Variants in CYSTM1 observed in about 807,000 individuals in gnomAD.
CYSTM1 encodes cysteine rich transmembrane module containing 1, also known as cysteine-rich transmembrane module-containing protein 1.
A neutral mutation model predicts 13.1 loss-of-function variants in CYSTM1; 4 were observed. That is an observed-to-expected ratio of 0.31 (90% CI 0.15 to 0.70). The LOEUF is 0.70. CYSTM1 is among the 30% of genes least tolerant of loss of function. CYSTM1 has a pLI of 0.72. For missense variants in CYSTM1, 96 were observed against 121.6 expected, an observed-to-expected ratio of 0.79 and a Z score of 0.99; for synonymous variants, 36 against 42.7, an observed-to-expected ratio of 0.84 and a Z score of 0.62.
At chr5:140,221,092 A>G (rs1017213310) in intron 2 of CYSTM1, among the ~76,000 whole-genome samples, 1 of 152,228 alleles carries the variant, frequency 6.6e-6, no homozygotes, top group Non-Finnish European at 1.5e-5. Flanking sequence ...GGATCACTTC[A>G]GTCTAGGAGT....
At chr5:140,184,652 G>A (rs550534933) in intron 1 of CYSTM1, among the ~76,000 whole-genome samples, 1 of 152,306 alleles carries the variant, frequency 6.6e-6, no homozygotes, top group East Asian at 1.9e-4. Context: ...GATATTTTCA[G>A]GTAGTAATGT....
At position 140,179,709 on chromosome 5, in the gene CYSTM1, G is replaced by A. The variant is rs549666901; in HGVS notation, c.-21+4424G>A. Among the ~76,000 whole-genome samples the A allele has an allele frequency of 1.5e-3, 214 of 146,342 alleles. No homozygotes were observed. The Middle Eastern group carries it at 0.015, about 10-fold the overall frequency. On this transcript the variant is annotated intron_variant, in intron 1 of 2. Transcript: ENST00000261811. ...AGAGTCTTGCTCTGTCTCCCAGGCCGGAGTGCAATGGCACGATCTCAGCTC... is the reference window on the plus strand; with the variant it reads ...AGAGTCTTGCTCTGTCTCCCAGGCCAGAGTGCAATGGCACGATCTCAGCTC...
chr5:140,207,224 G>A (rs1174969654), intron 2 of CYSTM1, among the ~76,000 whole-genome samples: 2 of 152,116 alleles, frequency 1.3e-5, no homozygotes, highest in East Asian at 1.9e-4. Context: ...CCACAGAACC[G>A]TCTTCTCTGG....
chr5:140,196,987 A>G (rs1764166591), intron 2 of CYSTM1, among the ~76,000 whole-genome samples: 1 of 152,204 alleles, frequency 6.6e-6, no homozygotes, highest in East Asian at 1.9e-4. Context: ...TGACTTGTGT[A>G]CTTTGCTGTA....
chr5:140,193,164 A>G (rs992715568), intron 1 of CYSTM1, among the ~76,000 whole-genome samples: 2 of 152,228 alleles, frequency 1.3e-5, no homozygotes, highest in Non-Finnish European at 2.9e-5. Flanking sequence ...ATAGGTAAAA[A>G]GTTAACTATT....
At chr5:140,226,408 C>G (rs1764549643) in intron 2 of CYSTM1, among the ~76,000 whole-genome samples, 1 of 145,566 alleles carries the variant, frequency 6.9e-6, no homozygotes, top group African/African-American at 2.6e-5. Context: ...GTAGGCGGAT[C>G]ACTTGAGGTC....
At chr5:140,176,253 A>G (rs901497241) in intron 1 of CYSTM1, among the ~76,000 whole-genome samples, 3 of 152,006 alleles carry the variant, frequency 2.0e-5, no homozygotes, top group African/African-American at 7.3e-5. Flanking sequence ...AGGTGACAAC[A>G]CTCTTCTCTG....
intron 2 of CYSTM1, among the ~76,000 whole-genome samples, chr5:140,226,569 A>AT (rs1764556942): frequency 9.4e-6 from 1 of 106,020 alleles, no homozygotes; most frequent in African/African-American, 3.5e-5. Context: ...ATATAAATAT[A>AT]TATTATATAC....
intron 2 of CYSTM1, among the ~76,000 whole-genome samples, chr5:140,198,260 A>G (rs182140796): frequency 6.6e-6 from 1 of 152,300 alleles, no homozygotes; most frequent in African/African-American, 2.4e-5. Context: ...GTTGTATAAC[A>G]TATCACCCCC....
chr5:140,192,045 T>G (rs1448965834), intron 1 of CYSTM1, among the ~76,000 whole-genome samples: 1 of 152,096 alleles, frequency 6.6e-6, no homozygotes, highest in Admixed American at 6.6e-5. Context: ...TTTTCCTGAG[T>G]CCCTTTCAGG....
chr5:140,206,625 T>C (rs1764301642), intron 2 of CYSTM1, among the ~76,000 whole-genome samples: 2 of 151,690 alleles, frequency 1.3e-5, no homozygotes, highest in South Asian at 4.2e-4. Context: ...TTTGTTTGTT[T>C]GTTTGTTTGT....
chr5:140,220,008 A>G (rs888533990), intron 2 of CYSTM1, among the ~76,000 whole-genome samples: 1 of 152,204 alleles, frequency 6.6e-6, no homozygotes, highest in Non-Finnish European at 1.5e-5. Flanking sequence ...CCAGGAGGAA[A>G]TCATTTCCCT....
chr5:140,202,705 G>C (rs1385005465), intron 2 of CYSTM1: 1 of 152,196 alleles, frequency 6.6e-6, no homozygotes, highest in Non-Finnish European at 1.5e-5. Flanking sequence ...TTGCAATACA[G>C]AGAAAGAAGC....
At chr5:140,220,037 T>G (rs1455076539) in intron 2 of CYSTM1, among the ~76,000 whole-genome samples, 1 of 152,226 alleles carries the variant, frequency 6.6e-6, no homozygotes, top group Non-Finnish European at 1.5e-5. Flanking sequence ...TTTAGCCTTC[T>G]AAAATCATGG....
chr5:140,211,255 G>T (rs528924378), intron 2 of CYSTM1, among the ~76,000 whole-genome samples: 1 of 152,306 alleles, frequency 6.6e-6, no homozygotes, highest in South Asian at 2.1e-4. Context: ...TGAAGAAACT[G>T]AAGCATGGAA....
At chr5:140,179,193 G>A (rs892189037) in intron 1 of CYSTM1, among the ~76,000 whole-genome samples, 4 of 151,894 alleles carry the variant, frequency 2.6e-5, no homozygotes, top group Non-Finnish European at 4.4e-5. Context: ...CCAGGAGTTT[G>A]AGGCTGCAAT....
At chr5:140,243,190 G>A in intron 2 of CYSTM1, 115 bp from the exon 3 acceptor site, 1 of 795,302 alleles carries the variant, frequency 1.3e-6, no homozygotes, top group Non-Finnish European at 2.1e-6. Flanking sequence ...GGTTTCACCA[G>A]TCTGCTCAAT....
At chr5:140,180,210 T>C (rs1763947220) in intron 1 of CYSTM1, among the ~76,000 whole-genome samples, 1 of 152,142 alleles carries the variant, frequency 6.6e-6, no homozygotes, top group Non-Finnish European at 1.5e-5. Flanking sequence ...TTTTAAAATT[T>C]CCCTCACCTG....
intron 1 of CYSTM1, among the ~76,000 whole-genome samples, chr5:140,189,265 TCTCA>T (rs1764060993): frequency 6.6e-6 from 1 of 152,176 alleles, no homozygotes; most frequent in Non-Finnish European, 1.5e-5. Context: ...ATGAATGAGT[TCTCA>T]CTCTATTAGT....
Sources: gnomAD v4.1 joint callset for allele counts (sites outside exome capture counted in the v4.1 genomes callset) on GRCh38, gnomAD v4.1.1 for gene constraint, MANE v1.5 for transcripts, NCBI Gene and HGNC (gene_info 2026-07-23, HGNC 2026-07-21) for gene names.